The following RGS20 variants were observed in gnomAD, a reference collection of about 807,000 sequenced individuals.
RGS20 encodes the protein regulator of G protein signaling 20.
In RGS20, 30 loss-of-function variants were observed where a neutral mutation model predicts 33.6. The ratio of observed to expected loss-of-function variants is 0.89; its 90% CI spans 0.67 to 1.21. RGS20 has a LOEUF of 1.21. RGS20 is among the 50% of genes most tolerant of loss of function. The pLI, the probability that RGS20 is intolerant of heterozygous loss-of-function variation, is 0.00. For missense variants in RGS20, 472 were observed against 502.4 expected (o/e 0.94, Z 0.58); for synonymous variants, 208 against 197.9 (o/e 1.05, Z -0.43).
At chr8:53,908,149 G>A (rs1307816693) in intron 2 of RGS20, among the ~76,000 whole-genome samples, 1 of 152,126 alleles carries the variant, frequency 6.6e-6, no homozygotes, top group African/African-American at 2.4e-5. Flanking sequence ...GAAAACGTTG[G>A]GAGATGGGAT....
At chr8:53,931,700 C>G (rs1038741908) in intron 2 of RGS20, among the ~76,000 whole-genome samples, 1 of 152,178 alleles carries the variant, frequency 6.6e-6, no homozygotes, top group Non-Finnish European at 1.5e-5. Flanking sequence ...ACTGAGGTAT[C>G]TGGCTAATCT....
chr8:53,857,273 C>T (rs1585857519), intron 1 of RGS20, among the ~76,000 whole-genome samples: 1 of 152,212 alleles, frequency 6.6e-6, no homozygotes, highest in Non-Finnish European at 1.5e-5. Context: ...TCCTCTGGCA[C>T]CTGCTGCAGG....
intron 1 of RGS20, among the ~76,000 whole-genome samples, chr8:53,873,022 TGAGTCAC>T (rs2129271937): frequency 6.6e-6 from 1 of 152,272 alleles, no homozygotes; most frequent in East Asian, 1.9e-4. Flanking sequence ...AGGAGGCGAT[TGAGTCAC>T]GAGGGCAAAT....
chr8:53,886,530 T>A (rs980962746), intron 2 of RGS20, among the ~76,000 whole-genome samples: 1 of 152,240 alleles, frequency 6.6e-6, no homozygotes, highest in Non-Finnish European at 1.5e-5. Flanking sequence ...AATTTCTAGT[T>A]ACGCATTTAT....
chr8:53,930,078 C>T (rs1813911974), intron 2 of RGS20, among the ~76,000 whole-genome samples: 2 of 152,178 alleles, frequency 1.3e-5, no homozygotes, highest in South Asian at 4.1e-4. Flanking sequence ...ATTTACTCAA[C>T]TTCCTGGCCA....
chr8:53,954,204 T>C lies in RGS20; in HGVS notation c.872T>C (p.Phe291Ser). 6.2e-7 allele frequency: 1 copy of C among 1,614,040 alleles called. No homozygotes were observed. Among genetic ancestry groups the C allele is most frequent in the Non-Finnish European group, 8.5e-7 (1 of 1,179,926 alleles). Residue 291 changes from phenylalanine to serine, a missense_variant, in exon 5 of 6, where the codon TTC becomes TCC. By Grantham distance (155) the Phe-to-Ser change is radical. This residue lies in a region of RGS20 where 125 missense variants were observed against 169.5 expected (regional missense o/e 0.74). Coordinates refer to ENST00000297313, the MANE Select transcript of RGS20 (RefSeq NM_170587.4). ...GAATTCAGTGAGGAAAATATGCTCT[T>C]CTGGATGGCCTGTGAGGAACTGAAA...
At chr8:53,889,723 CTGTGTGTGTGTGTGTGTGTG>C (rs66766851) in intron 2 of RGS20, among the ~76,000 whole-genome samples, 4 of 146,106 alleles carry the variant, frequency 2.7e-5, no homozygotes, top group South Asian at 4.4e-4. Context: ...TGTCAAAATT[CTGTGTGTGTGTGTGTGTGTG>C]TGTGTGTGTG....
intron 4 of RGS20, among the ~76,000 whole-genome samples, chr8:53,949,227 A>ATGC (rs1814637073): frequency 2.8e-5 from 4 of 144,490 alleles, no homozygotes; most frequent in African/African-American, 5.0e-5. Context: ...ATATTTATAT[A>ATGC]TACTATATAT....
At chr8:53,915,563 T>C (rs1004875138) in intron 2 of RGS20, among the ~76,000 whole-genome samples, 8 of 152,148 alleles carry the variant, frequency 5.3e-5, no homozygotes, top group Admixed American at 2.0e-4. Context: ...ATGTCTCCCA[T>C]GGAAAAACTC....
At chr8:53,914,976 A>C (rs74316381) in intron 2 of RGS20, among the ~76,000 whole-genome samples, 9,861 of 151,994 alleles carry the variant, frequency 0.065, 868 homozygotes, top group African/African-American at 0.2. Flanking sequence ...GAAACTCTGT[A>C]TCTACTAAAA....
At chr8:53,934,055 T>C (rs1375068699) in intron 2 of RGS20, among the ~76,000 whole-genome samples, 2 of 152,078 alleles carry the variant, frequency 1.3e-5, no homozygotes, top group Admixed American at 6.6e-5. Flanking sequence ...GACAAGCAAA[T>C]GCTGAGAGAT....
intron 2 of RGS20, among the ~76,000 whole-genome samples, chr8:53,910,195 T>TA (rs1168054699): frequency 3.9e-5 from 6 of 152,186 alleles, no homozygotes; most frequent in Non-Finnish European, 8.8e-5. Flanking sequence ...GAAAGCCATG[T>TA]AGCCAGCAAA....
At chr8:53,906,620 G>A (rs567867785) in intron 2 of RGS20, among the ~76,000 whole-genome samples, 2 of 152,310 alleles carry the variant, frequency 1.3e-5, no homozygotes, top group Admixed American at 6.5e-5. Context: ...AGAGAACAAG[G>A]AAATGAGAGT....
At chr8:53,885,891 C>T (rs1045241853) in intron 2 of RGS20, among the ~76,000 whole-genome samples, 1 of 144,182 alleles carries the variant, frequency 6.9e-6, no homozygotes, top group African/African-American at 2.7e-5. Context: ...TGTTCTTAGA[C>T]AGAAGGACAG....
At chr8:53,955,486 G>C (rs1307356105) in intron 5 of RGS20, among the ~76,000 whole-genome samples, 1 of 152,110 alleles carries the variant, frequency 6.6e-6, no homozygotes, top group Non-Finnish European at 1.5e-5. Flanking sequence ...AGATGAATGA[G>C]ATTGGGCAAG....
At chr8:53,870,709 G>C (rs1477589706) in intron 1 of RGS20, among the ~76,000 whole-genome samples, 1 of 152,078 alleles carries the variant, frequency 6.6e-6, no homozygotes, top group African/African-American at 2.4e-5. Context: ...CGGTGGCTTT[G>C]AGACAGCCTG....
In RGS20 at chr8:53,895,168, A is replaced by G. The variant is rs1430132235; in HGVS notation, c.510+15566A>G. ...CAGTGAGCTTGCTAATGAGTGATGC[A>G]TGAGGAATCAAGGTGACTTCTTGAT... On this transcript the variant is annotated intron_variant, in intron 2 of 5. Transcript: ENST00000297313. 4.6e-5 allele frequency among the ~76,000 whole-genome samples: 7 copies of G among 152,176 alleles called. No homozygotes were observed. The East Asian group carries it at 1.3e-3, about 29-fold the overall frequency.
At chr8:53,904,319 A>C (rs1195096845) in intron 2 of RGS20, among the ~76,000 whole-genome samples, 1 of 151,988 alleles carries the variant, frequency 6.6e-6, no homozygotes, top group Non-Finnish European at 1.5e-5. Flanking sequence ...TTTAGTAGAG[A>C]TGGGATTTCG....
chr8:53,898,760 T>C (rs1812933930), intron 2 of RGS20, among the ~76,000 whole-genome samples: 1 of 152,258 alleles, frequency 6.6e-6, no homozygotes. Flanking sequence ...CCAGATGCAC[T>C]GTGGGAACCC....
Sources: gnomAD v4.1 joint callset for allele counts (sites outside exome capture counted in the v4.1 genomes callset) on GRCh38, gnomAD v4.1.1 for gene constraint, gnomAD v4.1.1 regional missense constraint, MANE v1.5 for transcripts, NCBI Gene and HGNC (gene_info 2026-07-23, HGNC 2026-07-21) for gene names.